The following IL1RAPL2 variants were observed in gnomAD, a reference collection of about 807,000 sequenced individuals.
IL1RAPL2 encodes X-linked interleukin-1 receptor accessory protein-like 2.
Under a neutral mutation model 44.1 loss-of-function variants are expected in IL1RAPL2, and 3 were observed. The ratio of observed to expected loss-of-function variants is 0.07; its 90% CI spans 0.03 to 0.18. The LOEUF (loss-of-function observed/expected upper bound fraction) is 0.18, where lower values mean the gene tolerates loss of function less well. Among genes scored for constraint, IL1RAPL2 ranks in the 10% least tolerant of loss-of-function variants. The pLI is 1.00. For synonymous variants in IL1RAPL2, 181 were observed against 178.8 expected, an observed-to-expected ratio of 1.01 and a Z score of -0.10; for missense variants, 391 against 496.4, an observed-to-expected ratio of 0.79 and a Z score of 2.02.
chrX:105,184,448 A>T (rs1556132666), intron 2 of IL1RAPL2, among the ~76,000 whole-genome samples: 3 of 95,109 alleles, frequency 3.2e-5, no homozygotes, highest in African/African-American at 1.1e-4. Flanking sequence ...ATAACAACAT[A>T]AAATATTTGA....
intron 4 of IL1RAPL2, among the ~76,000 whole-genome samples, chrX:105,263,267 G>A (rs753862487): frequency 9.9e-5 from 11 of 111,182 alleles, no homozygotes; most frequent in African/African-American, 3.3e-4. Context: ...TGCCTAAGGG[G>A]TGGATGTTGG....
At chrX:104,946,379 C>CATAAAAA (rs1925354552) in intron 2 of IL1RAPL2, among the ~76,000 whole-genome samples, 1 of 9,140 alleles carries the variant, frequency 1.1e-4, no homozygotes, top group Non-Finnish European at 1.6e-4. Context: ...GACTCCGTCT[C>CATAAAAA]AAAAAAAAAA....
intron 2 of IL1RAPL2, among the ~76,000 whole-genome samples, chrX:105,074,522 T>A (rs573127739): frequency 5.7e-4 from 63 of 110,499 alleles, no homozygotes; most frequent in African/African-American, 1.9e-3. Flanking sequence ...TTGGCAATGC[T>A]GGCTCTTTTT....
intron 2 of IL1RAPL2, among the ~76,000 whole-genome samples, chrX:105,054,609 AAATT>A (rs926036881): frequency 8.9e-6 from 1 of 112,026 alleles, no homozygotes; most frequent in Admixed American, 9.5e-5. Context: ...AGTTAAATTG[AAATT>A]AATTAATTTT....
intron 2 of IL1RAPL2, among the ~76,000 whole-genome samples, chrX:104,813,669 G>C (rs1921058806): frequency 9.0e-6 from 1 of 111,410 alleles, no homozygotes; most frequent in Admixed American, 9.5e-5. Flanking sequence ...CCTTAGGATA[G>C]CATCAGACTC....
intron 10 of IL1RAPL2, among the ~76,000 whole-genome samples, chrX:105,758,433 C>T (rs992951415): frequency 9.0e-6 from 1 of 110,614 alleles, no homozygotes; most frequent in East Asian, 2.8e-4. Flanking sequence ...CTCTCTCTCT[C>T]TCATATAACC....
At chrX:105,705,677 C>T (rs2038160525) in intron 6 of IL1RAPL2, among the ~76,000 whole-genome samples, 2 of 111,446 alleles carry the variant, frequency 1.8e-5, no homozygotes, top group African/African-American at 6.5e-5. Context: ...GAAGACTGAA[C>T]AAAAACAAGT....
chrX:105,052,084 C>T (rs1369334656), intron 2 of IL1RAPL2, among the ~76,000 whole-genome samples: 1 of 112,546 alleles, frequency 8.9e-6, no homozygotes, highest in Non-Finnish European at 1.9e-5. Flanking sequence ...ACGTATGTTA[C>T]TTTTCTCATG....
At chrX:105,326,016 G>A in intron 5 of IL1RAPL2, among the ~76,000 whole-genome samples, 1 of 111,020 alleles carries the variant, frequency 9.0e-6, no homozygotes, top group Non-Finnish European at 1.9e-5. Context: ...TTTTCTCCCA[G>A]TCTGTGATTC....
At chrX:105,685,248 C>T (rs938506533) in intron 6 of IL1RAPL2, among the ~76,000 whole-genome samples, 5 of 111,561 alleles carry the variant, frequency 4.5e-5, no homozygotes, top group Non-Finnish European at 9.4e-5. Flanking sequence ...TCGGTAATAA[C>T]AAACATCTCC....
chrX:105,054,067 G>T (rs180911006), intron 2 of IL1RAPL2, among the ~76,000 whole-genome samples: 1 of 111,326 alleles, frequency 9.0e-6, no homozygotes, highest in Non-Finnish European at 1.9e-5. Flanking sequence ...CTGGGTGGCA[G>T]GTGGCCAGAG....
At chrX:105,758,962 C>A (rs1282825583) in intron 10 of IL1RAPL2, among the ~76,000 whole-genome samples, 1 of 111,764 alleles carries the variant, frequency 8.9e-6, no homozygotes, top group Non-Finnish European at 1.9e-5. Context: ...CTACACAGAG[C>A]ACATTGTGTT....
chrX:105,463,204 G>A (rs1442123559), intron 5 of IL1RAPL2, among the ~76,000 whole-genome samples: 1 of 111,139 alleles, frequency 9.0e-6, no homozygotes, highest in Non-Finnish European at 1.9e-5. Context: ...ATCAAGCCAT[G>A]AAGTTTTCCC....
chrX:105,615,391 A>G (rs12557837), intron 6 of IL1RAPL2, among the ~76,000 whole-genome samples: 4,464 of 112,051 alleles, frequency 0.04, 87 homozygotes, highest in Middle Eastern at 0.1. Context: ...CATGTTTATA[A>G]TAGCACTATT....
intron 2 of IL1RAPL2, among the ~76,000 whole-genome samples, chrX:104,768,427 A>C (rs1341310362): frequency 2.7e-5 from 3 of 111,476 alleles, no homozygotes; most frequent in African/African-American, 9.8e-5. Flanking sequence ...GTGATTCCCT[A>C]TAGTATACTG....
chrX:105,618,912 A>G (rs2037398566), intron 6 of IL1RAPL2, among the ~76,000 whole-genome samples: 1 of 111,309 alleles, frequency 9.0e-6, no homozygotes. Context: ...AAGTGTGGTA[A>G]GCAGATAGCC....
At chrX:105,227,232 TA>T (rs1186811610) in intron 3 of IL1RAPL2, among the ~76,000 whole-genome samples, 1 of 111,191 alleles carries the variant, frequency 9.0e-6, no homozygotes, top group African/African-American at 3.3e-5. Context: ...AATAATAAAA[TA>T]AAAAAATTAT....
At chrX:105,590,460 G>A (rs1248405998) in intron 6 of IL1RAPL2, among the ~76,000 whole-genome samples, 1 of 111,057 alleles carries the variant, frequency 9.0e-6, no homozygotes, top group African/African-American at 3.3e-5. Context: ...TTCTCAAGGG[G>A]AATGATTCTA....
At chrX:105,317,621 A>C (rs2034854087) in intron 5 of IL1RAPL2, among the ~76,000 whole-genome samples, 1 of 111,797 alleles carries the variant, frequency 8.9e-6, no homozygotes, top group Admixed American at 9.5e-5. Flanking sequence ...CAGGTTAAGA[A>C]GCTCCTTTTT....
Sources: gnomAD v4.1 joint callset for allele counts (sites outside exome capture counted in the v4.1 genomes callset) on GRCh38, gnomAD v4.1.1 for gene constraint, MANE v1.5 for transcripts, NCBI Gene and HGNC (gene_info 2026-07-23, HGNC 2026-07-21) for gene names.